The following FRMD4B variants were observed in gnomAD, a reference collection of about 807,000 sequenced individuals.
The protein encoded by FRMD4B is FERM domain-containing protein 4B.
Under a neutral mutation model 141.5 loss-of-function variants are expected in FRMD4B, and 74 were observed. The ratio of observed to expected loss-of-function variants is 0.52; its 90% confidence interval spans 0.43 to 0.63. The LOEUF (loss-of-function observed/expected upper bound fraction) is 0.63, where lower values mean the gene tolerates loss of function less well. FRMD4B is among the 30% of genes least tolerant of loss of function. FRMD4B has a pLI of 0.00. For missense variants in FRMD4B, 1,366 were observed against 1,253.4 expected, an observed-to-expected ratio of 1.09 and a Z score of -1.36; for synonymous variants, 506 against 467.9, an observed-to-expected ratio of 1.08 and a Z score of -1.05.
At chr3:69,186,794 C>T (rs1342813224) in intron 19 of FRMD4B, among the ~76,000 whole-genome samples, 1 of 152,148 alleles carries the variant, frequency 6.6e-6, no homozygotes, top group African/African-American at 2.4e-5. Context: ...CCACCTTGGC[C>T]TCCCAAAGTG....
intron 1 of FRMD4B, among the ~76,000 whole-genome samples, chr3:69,511,951 G>A (rs1706696947): frequency 6.6e-6 from 1 of 152,182 alleles, no homozygotes; most frequent in Non-Finnish European, 1.5e-5. Context: ...ACATCCTGGA[G>A]GGGGCAATAA....
chr3:69,311,418 TTCCTC>T, intron 2 of FRMD4B, 61 bp from the exon 3 acceptor site: 2 of 758,220 alleles, frequency 2.6e-6, no homozygotes, highest in Non-Finnish European at 4.7e-6. Context: ...TGCTACCACC[TTCCTC>T]TGCCCTAAAT....
chr3:69,330,112 T>C (rs1702316330), intron 1 of FRMD4B, among the ~76,000 whole-genome samples: 1 of 151,962 alleles, frequency 6.6e-6, no homozygotes, highest in Non-Finnish European at 1.5e-5. Flanking sequence ...TCCTGGTGTT[T>C]TCCTAGCCCC....
At chr3:69,483,957 A>G (rs1706173986) in intron 1 of FRMD4B, among the ~76,000 whole-genome samples, 1 of 152,222 alleles carries the variant, frequency 6.6e-6, no homozygotes, top group Admixed American at 6.5e-5. Context: ...TCTCCCTGAA[A>G]TAAAATACAT....
chr3:69,261,468 T>C (rs778161810), intron 5 of FRMD4B, among the ~76,000 whole-genome samples: 2 of 152,210 alleles, frequency 1.3e-5, no homozygotes, highest in Non-Finnish European at 2.9e-5. Flanking sequence ...ATGTTAACTT[T>C]TAGCTAATTT....
chr3:69,394,994 C>T (rs369910861), intron 2 of FRMD4B, among the ~76,000 whole-genome samples: 1 of 152,014 alleles, frequency 6.6e-6, no homozygotes, highest in African/African-American at 2.4e-5. Context: ...GGGAGGAGAA[C>T]ATCACACACC....
At chr3:69,442,616 C>T (rs775883787) in intron 1 of FRMD4B, among the ~76,000 whole-genome samples, 1 of 151,968 alleles carries the variant, frequency 6.6e-6, no homozygotes, top group Non-Finnish European at 1.5e-5. Context: ...CAATTTAATG[C>T]CATCCTTATT....
intron 2 of FRMD4B, among the ~76,000 whole-genome samples, chr3:69,420,378 A>C (rs1439037365): frequency 6.6e-6 from 1 of 151,672 alleles, no homozygotes; most frequent in Non-Finnish European, 1.5e-5. Context: ...TTTCTACCTT[A>C]CCTTCATGAT....
intron 2 of FRMD4B, among the ~76,000 whole-genome samples, chr3:69,411,715 T>A (rs895197244): frequency 1.4e-4 from 21 of 152,378 alleles, no homozygotes; most frequent in Middle Eastern, 3.4e-3. Context: ...ATATCCTGGA[T>A]AACTGCCTAG....
At chr3:69,289,839 A>G (rs1318955696) in intron 4 of FRMD4B, among the ~76,000 whole-genome samples, 1 of 152,140 alleles carries the variant, frequency 6.6e-6, no homozygotes, top group African/African-American at 2.4e-5. Flanking sequence ...AAAACAACGT[A>G]TAGCCAATCA....
In FRMD4B at chr3:69,476,497, A is replaced by G. The variant is rs982622938; in HGVS notation, c.-128-43736T>C. Among the ~76,000 whole-genome samples, 3 of 152,192 alleles carry G rather than the reference A, an allele frequency of 2.0e-5. No individual in the cohort carries two copies. The East Asian group carries it at 5.8e-4, about 29-fold the overall frequency. The stretch of plus-strand genomic sequence containing the variant: ...ATTGCTTGTTTTTGTCAGGTTTGTC[A>G]AAGATCAGATAGTTGTAGATATGTG... On this transcript the variant is annotated intron_variant, in intron 1 of 5. Transcript: ENST00000459638.
chr3:69,432,335 C>CT (rs904902812), intron 2 of FRMD4B, among the ~76,000 whole-genome samples: 5 of 151,974 alleles, frequency 3.3e-5, no homozygotes, highest in African/African-American at 1.2e-4. Flanking sequence ...ACAATTAGTA[C>CT]TTTTTTTTGT....
chr3:69,346,816 G>C (rs904622524), intron 1 of FRMD4B, among the ~76,000 whole-genome samples: 2 of 152,114 alleles, frequency 1.3e-5, no homozygotes, highest in Non-Finnish European at 2.9e-5. Context: ...TGCCCTAAAA[G>C]AGCTCCTGAA....
chr3:69,171,979 T>C lies in FRMD4B; in HGVS notation c.2987A>G (p.Gln996Arg). ...VYNPLPSPSR[Q>R]YTEISQLDGT... ...ATCCAGTTGACTGATTTCTGTGTAT[T>C]GTCTATTAAAGAAAACCAGAAAAGT... is the stretch of plus-strand genomic sequence containing the variant. Residue 996 changes from glutamine (Q) to arginine (R), a missense_variant and splice_region_variant, in exon 23 of 23, where the codon CAA becomes CGA. Coordinates refer to ENST00000398540, the MANE Select transcript of FRMD4B (RefSeq NM_015123.3). The C allele has an allele frequency of 1.2e-6, 2 of 1,613,250 alleles. No individual in the cohort carries two copies. Among genetic ancestry groups the C allele is most frequent in the South Asian group, 1.1e-5 (1 of 91,054 alleles).
intron 1 of FRMD4B, among the ~76,000 whole-genome samples, chr3:69,445,746 A>G (rs995098280): frequency 6.6e-6 from 1 of 152,158 alleles, no homozygotes; most frequent in Non-Finnish European, 1.5e-5. Context: ...AGCTGGCTCC[A>G]TCTCATAATT....
intron 1 of FRMD4B, among the ~76,000 whole-genome samples, chr3:69,456,246 C>G (rs1575808682): frequency 6.6e-6 from 1 of 151,556 alleles, no homozygotes; most frequent in East Asian, 1.9e-4. Context: ...AGTGTTTGCA[C>G]AAAGTAAGAA....
intron 4 of FRMD4B, 39 bp downstream of exon 4, chr3:69,302,304 A>C (rs1024002618): frequency 1.9e-6 from 2 of 1,078,974 alleles, no homozygotes; most frequent in Non-Finnish European, 2.8e-6. Context: ...AAATAACAGC[A>C]AAAAAAGAGG....
intron 11 of FRMD4B, chr3:69,200,622 A>C: frequency 8.3e-7 from 1 of 1,210,174 alleles, no homozygotes; most frequent in Non-Finnish European, 1.1e-6. Flanking sequence ...CCCTAATTCT[A>C]CTCCTTCCTC....
rs561582563 is a variant in FRMD4B, at chr3:69,275,874, A to G, written c.501+11878T>C. On this transcript the variant is annotated intron_variant, in intron 5 of 22. Transcript: ENST00000398540. The stretch of plus-strand genomic sequence containing the variant: ...AACTTAGAAAGCAAAAGCTTTTCCA[A>G]TCTCACTCTCAGAAATAATAAATAT... Among the ~76,000 whole-genome samples the G allele has an allele frequency of 3.3e-5, 5 of 152,280 alleles. No homozygotes were observed. In the East Asian group the frequency reaches 7.7e-4, roughly 23 times the overall value.
Sources: allele counts gnomAD v4.1 joint callset (sites outside exome capture counted in the v4.1 genomes callset), GRCh38; gene constraint gnomAD v4.1.1; transcripts MANE v1.5; gene names NCBI Gene and HGNC (gene_info 2026-07-23, HGNC 2026-07-21).